The following TDRD10 variants were observed in gnomAD, a reference collection of about 807,000 sequenced individuals.
TDRD10 encodes tudor domain-containing protein 10.
Under a neutral mutation model 48.0 loss-of-function variants are expected in TDRD10, and 40 were observed. The ratio of observed to expected loss-of-function variants is 0.83; its 90% CI spans 0.65 to 1.09. TDRD10 has a LOEUF of 1.09. Ranked by LOEUF, TDRD10 falls within the 50% of genes least tolerant of loss-of-function variation. The pLI is 0.00. For missense variants in TDRD10, 378 were observed against 434.7 expected (o/e 0.87, Z 1.16); for synonymous variants, 162 against 170.4 (o/e 0.95, Z 0.38).
intron 7 of TDRD10, 96 bp downstream of exon 7, chr1:154,542,162 TC>T: frequency 8.1e-7 from 1 of 1,228,292 alleles, no homozygotes; most frequent in Non-Finnish European, 1.2e-6. Context: ...TCCAGCTCAG[TC>T]CCCTGATGAC....
chr1:154,526,892 AT>A (rs61313171), intron 6 of TDRD10, among the ~76,000 whole-genome samples: 118,062 of 150,358 alleles, frequency 0.79, 47,050 homozygotes, highest in East Asian at 0.92. Flanking sequence ...CCTGGCCTGA[AT>A]TTTTTTTTTA....
chr1:154,544,045 G>A lies in TDRD10; in HGVS notation c.586G>A (p.Ala196Thr). 5 of 1,614,218 alleles carry A rather than the reference G, an allele frequency of 3.1e-6. No homozygotes were observed. The highest frequency in any genetic ancestry group is 4.2e-6 in the Non-Finnish European group (5 of 1,180,036). Reference protein sequence around the residue: ...LALIHSVRGEAGLLVTSIVPK... With the variant: ...LALIHSVRGETGLLVTSIVPK... Reference sequence around the variant, plus strand: ...ACTCATCCATAGCGTCCGTGGGGAGGCGGGGCTGCTGGTGACGAGTATCGT... The same window carrying A: ...ACTCATCCATAGCGTCCGTGGGGAGACGGGGCTGCTGGTGACGAGTATCGT... The change falls in exon 9 of 13, where the codon GCG (alanine) becomes ACG (threonine). Residue 196 changes from alanine to threonine, a missense_variant. Transcript: ENST00000368482.
At chr1:154,507,055 T>C (rs1268715911) in intron 2 of TDRD10, 150 bp downstream of exon 2, 1 of 1,544,402 alleles carries the variant, frequency 6.5e-7, no homozygotes, top group Non-Finnish European at 8.7e-7. Context: ...CTTTAACTTT[T>C]AGTGATTTAA....
intron 3 of TDRD10, among the ~76,000 whole-genome samples, chr1:154,507,593 A>G (rs1046245515): frequency 2.6e-5 from 4 of 151,678 alleles, no homozygotes; most frequent in African/African-American, 9.7e-5. Flanking sequence ...TTTTCCCTCT[A>G]CCATCTCCAA....
rs142038703 is a variant in TDRD10, at chr1:154,539,024, T to TC, written c.370-2999dup. Among the ~76,000 whole-genome samples, 442 of 152,286 alleles carry TC rather than the reference T, an allele frequency of 2.9e-3. 24 individuals carry two copies. The East Asian group carries it at 0.08, about 28-fold the overall frequency. On this transcript the variant is annotated intron_variant, in intron 6 of 12. Transcript: ENST00000368482. Reference sequence around the variant, plus strand: ...AATTACAGCAGTAGGTGCTGTTAACTCTCCTGTTCTGCAGATGTGAACACC... The same window carrying TC: ...AATTACAGCAGTAGGTGCTGTTAACTCCTCCTGTTCTGCAGATGTGAACACC...
rs1160756659 is a variant in TDRD10, at chr1:154,547,669, C to G, written c.1024-9C>G. ...TCCTTCCCACCAAGGCTTTGTCTTT[C>G]TCTTCCAGTTGCACATCCTAAAGTT... On this transcript the variant is annotated splice_polypyrimidine_tract_variant and intron_variant, in intron 12 of 12. Transcript: ENST00000368482. 1.9e-6 allele frequency: 3 copies of G among 1,614,136 alleles called. No homozygotes were observed. Among genetic ancestry groups the G allele is most frequent in the Non-Finnish European group, 1.7e-6 (2 of 1,180,020 alleles).
At chr1:154,542,116 T>C in intron 7 of TDRD10, 50 bp downstream of exon 7, 3 of 1,602,122 alleles carry the variant, frequency 1.9e-6, no homozygotes, top group Non-Finnish European at 1.7e-6. Flanking sequence ...TTGCAGCTCC[T>C]AATGGACCTC....
At chr1:154,538,608 C>T (rs1695051799) in intron 6 of TDRD10, among the ~76,000 whole-genome samples, 1 of 146,636 alleles carries the variant, frequency 6.8e-6, no homozygotes, top group Admixed American at 6.9e-5. Flanking sequence ...AATCCCAGCA[C>T]TTTGGGAGGC....
At chr1:154,514,128 T>G (rs1557816379) in intron 4 of TDRD10, among the ~76,000 whole-genome samples, 1 of 152,288 alleles carries the variant, frequency 6.6e-6, no homozygotes, top group East Asian at 1.9e-4. Flanking sequence ...AGGCGGAGGT[T>G]GCAGCGAGCT....
rs1413937156 is a variant in TDRD10 at position 154,544,793 on chromosome 1, A to G, written c.798-2A>G. On this transcript the variant is annotated splice_acceptor_variant, in intron 10 of 12. Transcript: ENST00000368482. LOFTEE classifies it high-confidence loss of function. Reference sequence around the variant, plus strand: ...CTCTGTCTTTCTCTTTTCCTCTGCCAGGTGTTGGGTGCTGGACAGGGTGGA... The same window carrying G: ...CTCTGTCTTTCTCTTTTCCTCTGCCGGGTGTTGGGTGCTGGACAGGGTGGA... 9.3e-6 allele frequency: 15 copies of G among 1,613,634 alleles called. No homozygotes were observed. Among genetic ancestry groups the G allele is most frequent in the African/African-American group, 4.0e-5 (3 of 74,896 alleles).
At chr1:154,539,542 G>C (rs1303450010) in intron 6 of TDRD10, among the ~76,000 whole-genome samples, 1 of 152,086 alleles carries the variant, frequency 6.6e-6, no homozygotes, top group Non-Finnish European at 1.5e-5. Context: ...TGAACTCCTG[G>C]CCTCATGTGA....
Position 154,502,951 on chromosome 1 carries a change from G to T in TDRD10, c.-106G>T, listed in dbSNP as rs1692877200. 1.3e-5 allele frequency: 2 copies of T among 152,450 alleles called. No individual in the cohort carries two copies. The highest frequency in any genetic ancestry group is 2.9e-5 in the Non-Finnish European group (2 of 68,230). 9.4% of individuals were successfully genotyped at this position (152,450 alleles called of 1,614,324 possible). ...CCCGCCCCGTGCCCCCGGGCTCAGAGGGGGCGGAGCGCGGAGGGAGAAGGC... is the reference window on the plus strand; with the variant it reads ...CCCGCCCCGTGCCCCCGGGCTCAGATGGGGCGGAGCGCGGAGGGAGAAGGC... On this transcript the variant is annotated 5_prime_UTR_variant, in exon 1 of 13. It adds an upstream start codon to the 5' untranslated region. Transcript: ENST00000368482.
intron 6 of TDRD10, among the ~76,000 whole-genome samples, chr1:154,525,705 C>A (rs1263290853): frequency 6.6e-6 from 1 of 152,088 alleles, no homozygotes; most frequent in Non-Finnish European, 1.5e-5. Context: ...ACCAGCCTAG[C>A]CAACATGGCG....
intron 6 of TDRD10, 72 bp from the exon 7 acceptor site, chr1:154,541,951 GA>G: frequency 6.7e-7 from 1 of 1,482,548 alleles, no homozygotes; most frequent in Non-Finnish European, 9.4e-7. Flanking sequence ...AGTCTACCTG[GA>G]GTGATTCAAC....
chr1:154,504,324 A>G (rs554954885), intron 1 of TDRD10, among the ~76,000 whole-genome samples: 2 of 152,366 alleles, frequency 1.3e-5, no homozygotes, highest in African/African-American at 2.4e-5. Context: ...CAACACTGCT[A>G]TGAATATTTG....
rs376811423 is a variant in TDRD10 at position 154,508,495 on chromosome 1, A to C, written c.141+14A>C. 2 of 1,565,332 alleles carry C rather than the reference A, an allele frequency of 1.3e-6. No homozygotes were observed. Among genetic ancestry groups the C allele is most frequent in the East Asian group, 2.2e-5 (1 of 44,652 alleles). On this transcript the variant is annotated intron_variant, in intron 4 of 12. Coordinates refer to ENST00000368482, the MANE Select transcript of TDRD10 (RefSeq NM_182499.4). Reference sequence around the variant, plus strand: ...GATATTTCTAAGGTATTTATTCTTCACAATAGGCTGCTTATCTTCCTTGGC... The same window carrying C: ...GATATTTCTAAGGTATTTATTCTTCCCAATAGGCTGCTTATCTTCCTTGGC...
chr1:154,523,436 C>T (rs1694159237), intron 6 of TDRD10, among the ~76,000 whole-genome samples: 1 of 152,184 alleles, frequency 6.6e-6, no homozygotes, highest in South Asian at 2.1e-4. Context: ...CTAGCCCCAG[C>T]GATTCTGACT....
intron 6 of TDRD10, among the ~76,000 whole-genome samples, chr1:154,529,789 C>A (rs1260612391): frequency 6.6e-6 from 1 of 151,976 alleles, no homozygotes; most frequent in East Asian, 1.9e-4. Flanking sequence ...AGGTGATCCG[C>A]CTGTCTTGGC....
intron 4 of TDRD10, among the ~76,000 whole-genome samples, chr1:154,514,298 C>A (rs898702587): frequency 2.0e-5 from 3 of 152,160 alleles, no homozygotes; most frequent in Non-Finnish European, 4.4e-5. Flanking sequence ...ATTTCTGAGA[C>A]AATTGGTGAG....
Sources: gnomAD v4.1 joint callset for allele counts (sites outside exome capture counted in the v4.1 genomes callset) on GRCh38, gnomAD v4.1.1 for gene constraint, MANE v1.5 for transcripts, NCBI Gene and HGNC (gene_info 2026-07-23, HGNC 2026-07-21) for gene names.